IQGAP1: variants seen among roughly 807,000 people sequenced by gnomAD.
IQGAP1 encodes the protein ras GTPase-activating-like protein IQGAP1.
IQGAP1 carries 66 observed loss-of-function variants against 215.6 expected under a neutral mutation model. The observed-to-expected ratio is 0.31, with a 90% CI of 0.25 to 0.38. The LOEUF (loss-of-function observed/expected upper bound fraction) is 0.38, where lower values mean the gene tolerates loss of function less well. IQGAP1 is among the 10% of genes least tolerant of loss of function. The pLI is 1.00. For synonymous variants in IQGAP1, 772 were observed against 728.7 expected, an observed-to-expected ratio of 1.06 and a Z score of -0.96; for missense variants, 1,712 against 1,997.1, an observed-to-expected ratio of 0.86 and a Z score of 2.72.
chr15:90,466,597 T>A (rs1445666391), intron 17 of IQGAP1, among the ~76,000 whole-genome samples, 161 bp downstream of exon 17: 1 of 147,140 alleles, frequency 6.8e-6, no homozygotes, highest in Admixed American at 6.6e-5. Context: ...TTTTTGAAAA[T>A]ATCCTTCCCC....
intron 9 of IQGAP1, among the ~76,000 whole-genome samples, chr15:90,448,235 A>G (rs557271734): frequency 6.4e-4 from 97 of 152,324 alleles, no homozygotes; most frequent in African/African-American, 2.2e-3. Flanking sequence ...CTGGACAACT[A>G]CTTGGCATTT....
At position 90,439,771 on chromosome 15, in the gene IQGAP1, C is replaced by T. The variant is rs138538725; in HGVS notation, c.535+372C>T. On this transcript the variant is annotated intron_variant, in intron 6 of 37. Transcript: ENST00000268182. ...CAGCAAGCATCTGTTGTGGGCAAAGCAAGAGGGAGAGTGGGGAGTGAGATG... is the reference window on the plus strand; with the variant it reads ...CAGCAAGCATCTGTTGTGGGCAAAGTAAGAGGGAGAGTGGGGAGTGAGATG... 5.9e-5 allele frequency among the ~76,000 whole-genome samples: 9 copies of T among 152,094 alleles called. 1 individual carries two copies. The East Asian group carries it at 1.7e-3, about 29-fold the overall frequency.
intron 23 of IQGAP1, chr15:90,474,911 G>A (rs542503335): frequency 4.7e-5 from 23 of 491,728 alleles, no homozygotes; most frequent in African/African-American, 3.7e-4. Context: ...CCAGGTTCAA[G>A]CAATTCTCCT....
chr15:90,497,877 G>C (rs1258598467), intron 37 of IQGAP1, among the ~76,000 whole-genome samples: 1 of 152,078 alleles, frequency 6.6e-6, no homozygotes, highest in Non-Finnish European at 1.5e-5. Context: ...ACAGGGCATC[G>C]AGAGGATTCC....
At chr15:90,491,570 G>T in intron 34 of IQGAP1, 25 bp downstream of exon 34, 2 of 1,594,654 alleles carry the variant, frequency 1.3e-6, no homozygotes, top group South Asian at 1.1e-5. Context: ...GGACAGAGGG[G>T]ACCCGGCCTT....
intron 15 of IQGAP1, among the ~76,000 whole-genome samples, chr15:90,459,824 A>T (rs1276211860): frequency 6.6e-6 from 1 of 152,164 alleles, no homozygotes; most frequent in African/African-American, 2.4e-5. Context: ...AGAGCAAAAG[A>T]TCTTAATTTA....
intron 2 of IQGAP1, among the ~76,000 whole-genome samples, chr15:90,396,322 G>T (rs948641991): frequency 6.6e-6 from 1 of 152,138 alleles, no homozygotes; most frequent in Non-Finnish European, 1.5e-5. Context: ...TAAGAAGCAA[G>T]AAAACAAAAT....
intron 33 of IQGAP1, among the ~76,000 whole-genome samples, chr15:90,488,905 C>T (rs1386719999): frequency 1.3e-5 from 2 of 152,060 alleles, no homozygotes; most frequent in African/African-American, 4.8e-5. Context: ...ATTTAGAACT[C>T]ACAAACTAGA....
Position 90,487,474 on chromosome 15 carries a change from GC to G in IQGAP1, c.4161-19del. The G allele has an allele frequency of 1.3e-6, 2 of 1,574,848 alleles. No homozygotes were observed. The highest frequency in any genetic ancestry group is 1.7e-6 in the Non-Finnish European group (2 of 1,144,676). On this transcript the variant is annotated intron_variant, in intron 32 of 37. Transcript: ENST00000268182. ...ACTAGAACACTGGTAATATTTAAAT[GC>G]CTCCCCCATCTCGTTTCAGTACAAA... is the stretch of plus-strand genomic sequence containing the variant.
chr15:90,475,011 T>C (rs1257882972), intron 23 of IQGAP1, among the ~76,000 whole-genome samples: 1 of 148,438 alleles, frequency 6.7e-6, no homozygotes, highest in African/African-American at 2.5e-5. Flanking sequence ...TTTTTTTTTT[T>C]TTTTGCTGAC....
intron 25 of IQGAP1, 60 bp downstream of exon 25, chr15:90,477,290 T>G: frequency 3.0e-6 from 4 of 1,346,378 alleles, no homozygotes; most frequent in Non-Finnish European, 4.2e-6. Flanking sequence ...GCTCCCAGTT[T>G]GAGATTCATG....
At chr15:90,416,322 G>A in intron 2 of IQGAP1, among the ~76,000 whole-genome samples, 1 of 152,132 alleles carries the variant, frequency 6.6e-6, no homozygotes, top group East Asian at 1.9e-4. Flanking sequence ...CATTTGGGTT[G>A]GTTCCAAGTC....
At chr15:90,449,507 C>A in intron 10 of IQGAP1, 52 bp from the exon 11 acceptor site, 1 of 1,435,152 alleles carries the variant, frequency 7.0e-7, no homozygotes, top group South Asian at 1.2e-5. Context: ...ACCTTAAGGC[C>A]TGGAGTCATA....
At chr15:90,464,622 G>T (rs995439196) in intron 15 of IQGAP1, among the ~76,000 whole-genome samples, 1 of 152,108 alleles carries the variant, frequency 6.6e-6, no homozygotes, top group African/African-American at 2.4e-5. Context: ...AGGCCAGGAC[G>T]TGCAGATCAC....
At chr15:90,474,021 G>T in intron 21 of IQGAP1, 43 bp from the exon 22 acceptor site, 4 of 1,603,110 alleles carry the variant, frequency 2.5e-6, no homozygotes, top group Non-Finnish European at 2.6e-6. Context: ...CATATTTTTG[G>T]TAGACAGATG....
At chr15:90,430,070 G>A (rs1965281141) in intron 4 of IQGAP1, among the ~76,000 whole-genome samples, 1 of 152,200 alleles carries the variant, frequency 6.6e-6, no homozygotes, top group South Asian at 2.1e-4. Context: ...TTAGAAATCT[G>A]TAGGGAGTAT....
At chr15:90,397,272 C>G (rs1025058729) in intron 2 of IQGAP1, among the ~76,000 whole-genome samples, 1 of 152,098 alleles carries the variant, frequency 6.6e-6, no homozygotes, top group African/African-American at 2.4e-5. Flanking sequence ...AATAGAAATT[C>G]AAAAGTATGA....
chr15:90,423,702 C>T (rs1012557566), intron 2 of IQGAP1, among the ~76,000 whole-genome samples: 5 of 152,190 alleles, frequency 3.3e-5, no homozygotes, highest in African/African-American at 1.2e-4. Flanking sequence ...CTCATTCTTT[C>T]TGTTTAATAA....
At chr15:90,437,512 A>G (rs1285799009) in intron 5 of IQGAP1, among the ~76,000 whole-genome samples, 2 of 152,248 alleles carry the variant, frequency 1.3e-5, no homozygotes, top group East Asian at 3.9e-4. Flanking sequence ...ATGTATAAAA[A>G]TATATAGAAA....
Sources: allele counts gnomAD v4.1 joint callset (sites outside exome capture counted in the v4.1 genomes callset), GRCh38; gene constraint gnomAD v4.1.1; transcripts MANE v1.5; gene names NCBI Gene and HGNC (gene_info 2026-07-23, HGNC 2026-07-21).